Variants in XRCC6 observed in about 807,000 individuals in gnomAD.
The protein encoded by XRCC6 is DNA repair protein Ku70.
A neutral mutation model predicts 65.7 loss-of-function variants in XRCC6; 5 were observed. That is an observed-to-expected ratio of 0.08 (90% CI 0.04 to 0.16). The LOEUF is 0.16. Among genes scored for constraint, XRCC6 ranks in the 10% least tolerant of loss-of-function variants. The pLI is 1.00. For synonymous variants in XRCC6, 270 were observed against 270.6 expected (o/e 1.00, Z 0.02); for missense variants, 447 against 738.1 (o/e 0.61, Z 4.57).
At position 41,621,979 on chromosome 22, in the gene XRCC6, CT is replaced by C; in HGVS notation, c.-15-8del. The C allele has an allele frequency of 1.9e-6, 3 of 1,613,842 alleles. 1 individual carries two copies. Among genetic ancestry groups the C allele is most frequent in the Non-Finnish European group, 2.5e-6 (3 of 1,179,726 alleles). On this transcript the variant is annotated splice_polypyrimidine_tract_variant and intron_variant, in intron 1 of 12. Transcript: ENST00000360079. ...ATTTGCCTGTTACTGACGTTAACGT[CT>C]TTCGCCTAGTGAGCAGTAGCCAACA...
intron 10 of XRCC6, among the ~76,000 whole-genome samples, chr22:41,657,992 T>A (rs909145110): frequency 6.6e-6 from 1 of 151,992 alleles, no homozygotes; most frequent in African/African-American, 2.4e-5. Context: ...CCTGGCTGAT[T>A]TTTAAATTTT....
At chr22:41,624,858 G>A (rs867192647) in intron 2 of XRCC6, among the ~76,000 whole-genome samples, 2 of 151,428 alleles carry the variant, frequency 1.3e-5, no homozygotes, top group Non-Finnish European at 2.9e-5. Context: ...ATAGCCAGGC[G>A]TGGTGGCAGG....
At chr22:41,661,238 C>A in intron 11 of XRCC6, 93 bp from the exon 12 acceptor site, 1 of 1,055,742 alleles carries the variant, frequency 9.5e-7, no homozygotes, top group Non-Finnish European at 1.4e-6. Flanking sequence ...CAGTTAGGTG[C>A]TCTCTCTTCT....
At chr22:41,627,817 T>G (rs970991874) in intron 2 of XRCC6, among the ~76,000 whole-genome samples, 4 of 151,820 alleles carry the variant, frequency 2.6e-5, no homozygotes, top group Admixed American at 6.6e-5. Flanking sequence ...GAGGTTGCAG[T>G]GAGCTATCAT....
rs1430603641 is a variant in XRCC6 at position 41,658,346 on chromosome 22, C to T, written c.1516C>T (p.Leu506=). The stretch of plus-strand genomic sequence containing the variant: ...GATGGAGCCGGAACAAGCAGTGGAC[C>T]TGACATGTAAGGAGGTTGAATAGAG... ...DLMEPEQAVD[L]TLPKVEAMNK... Residue 506 remains leucine (L), a synonymous_variant, in exon 11 of 13, where the codon CTG becomes TTG. Coordinates refer to ENST00000360079, the MANE Select transcript of XRCC6 (RefSeq NM_001469.5). 6.2e-7 allele frequency: 1 copy of T among 1,613,962 alleles called. No homozygotes were observed. Among genetic ancestry groups the T allele is most frequent in the African/African-American group, 1.3e-5 (1 of 74,910 alleles).
At chr22:41,660,923 A>G (rs1478302465) in intron 11 of XRCC6, among the ~76,000 whole-genome samples, 2 of 152,026 alleles carry the variant, frequency 1.3e-5, no homozygotes, top group Non-Finnish European at 2.9e-5. Context: ...ACTGGGGACA[A>G]ATCAAGAGGC....
chr22:41,643,237 C>T (rs1410256966), intron 6 of XRCC6, among the ~76,000 whole-genome samples: 7 of 151,854 alleles, frequency 4.6e-5, no homozygotes, highest in African/African-American at 9.7e-5. Flanking sequence ...GGTGAAACCC[C>T]GTCTCTACTA....
At chr22:41,635,138 G>T (rs1427411400) in intron 3 of XRCC6, among the ~76,000 whole-genome samples, 2 of 152,132 alleles carry the variant, frequency 1.3e-5, no homozygotes. Flanking sequence ...CATAGTATTT[G>T]CATATAACCT....
At chr22:41,661,152 A>G (rs1376795720) in intron 11 of XRCC6, among the ~76,000 whole-genome samples, 179 bp from the exon 12 acceptor site, 1 of 152,198 alleles carries the variant, frequency 6.6e-6, no homozygotes, top group Non-Finnish European at 1.5e-5. Flanking sequence ...AGTATGTGTA[A>G]TTACAGTAAA....
chr22:41,639,544 A>T (rs974339592), intron 6 of XRCC6, among the ~76,000 whole-genome samples: 5 of 151,028 alleles, frequency 3.3e-5, no homozygotes, highest in East Asian at 3.9e-4. Flanking sequence ...ATGGGGTCTC[A>T]CTGCTTTGCA....
intron 5 of XRCC6, 58 bp from the exon 6 acceptor site, chr22:41,637,550 C>T: frequency 2.1e-6 from 3 of 1,419,130 alleles, no homozygotes; most frequent in Non-Finnish European, 9.4e-7. Context: ...ACTGAAAGAA[C>T]TTCTCACTTG....
intron 9 of XRCC6, among the ~76,000 whole-genome samples, chr22:41,656,529 A>G (rs910123998): frequency 6.7e-6 from 1 of 148,472 alleles, no homozygotes; most frequent in Non-Finnish European, 1.5e-5. Context: ...AAAAAAAAAA[A>G]GATGGAAAAA....
At chr22:41,637,991 A>G (rs2067827966) in intron 6 of XRCC6, among the ~76,000 whole-genome samples, 200 bp downstream of exon 6, 1 of 151,862 alleles carries the variant, frequency 6.6e-6, no homozygotes, top group African/African-American at 2.4e-5. Flanking sequence ...ATCAGAAGCA[A>G]TGCACTGCTA....
intron 11 of XRCC6, among the ~76,000 whole-genome samples, chr22:41,658,879 C>T (rs1057503334): frequency 4.6e-5 from 7 of 152,094 alleles, no homozygotes; most frequent in East Asian, 1.9e-4. Flanking sequence ...TGCAATGAGC[C>T]GAGATTGCAC....
At position 41,646,303 on chromosome 22, in the gene XRCC6, G is replaced by GA. The variant is rs879279539; in HGVS notation, c.774-582dup. Among the ~76,000 whole-genome samples, 600 of 142,042 alleles carry GA rather than the reference G, an allele frequency of 4.2e-3. 4 individuals are homozygous for GA. Among genetic ancestry groups the GA allele is most frequent in the Non-Finnish European group, 6.8e-3 (442 of 64,814 alleles). 93.2% of individuals were successfully genotyped at this position (142,042 alleles called of 152,430 possible). A position where few individuals can be genotyped will look rare whatever the true frequency, so the allele number is the denominator to read the frequency against. Reference sequence around the variant, plus strand: ...AACCAATAGTGTGAGACTCTGTCTCGAAAAAAAAAAAGCAGAGACAAGACA... The same window carrying GA: ...AACCAATAGTGTGAGACTCTGTCTCGAAAAAAAAAAAAGCAGAGACAAGACA... On this transcript the variant is annotated intron_variant, in intron 6 of 12. Coordinates refer to ENST00000360079, the MANE Select transcript of XRCC6 (RefSeq NM_001469.5).
At chr22:41,636,829 A>T in intron 5 of XRCC6, 59 bp downstream of exon 5, 6 of 1,561,204 alleles carry the variant, frequency 3.8e-6, no homozygotes, top group South Asian at 1.2e-5. Flanking sequence ...TTTATTTTTT[A>T]TTTTTTTAGG....
intron 3 of XRCC6, among the ~76,000 whole-genome samples, chr22:41,634,004 G>C (rs2067784166): frequency 6.6e-6 from 1 of 152,152 alleles, no homozygotes; most frequent in Admixed American, 6.6e-5. Context: ...CCTCAGAGTA[G>C]ATTAAAATAT....
chr22:41,628,017 A>G, intron 2 of XRCC6, 101 bp from the exon 3 acceptor site: 1 of 713,150 alleles, frequency 1.4e-6, no homozygotes, highest in South Asian at 2.1e-5. Context: ...CCTTATAATA[A>G]TTTATTAGGT....
intron 8 of XRCC6, 133 bp from the exon 9 acceptor site, chr22:41,653,396 C>A: frequency 1.2e-6 from 1 of 848,084 alleles, no homozygotes; most frequent in Non-Finnish European, 1.7e-6. Context: ...AGAGCGAGAC[C>A]CCGTCTCAAA....
Sources: gnomAD v4.1 joint callset for allele counts (sites outside exome capture counted in the v4.1 genomes callset) on GRCh38, gnomAD v4.1.1 for gene constraint, MANE v1.5 for transcripts, NCBI Gene and HGNC (gene_info 2026-07-23, HGNC 2026-07-21) for gene names.